NR6A1: variants seen among roughly 807,000 people sequenced by gnomAD.
NR6A1 encodes the protein nuclear receptor subfamily 6 group A member 1, also known as retinoic acid receptor-related testis-associated receptor.
In NR6A1, 7 loss-of-function variants were observed where a neutral mutation model predicts 59.1. The ratio of observed to expected loss-of-function variants is 0.12; its 90% CI spans 0.07 to 0.22. The LOEUF is 0.22. Among genes scored for constraint, NR6A1 ranks in the 10% least tolerant of loss-of-function variants. The pLI is 1.00. For synonymous variants in NR6A1, 243 were observed against 236.1 expected (o/e 1.03, Z -0.27); for missense variants, 468 against 611.6 (o/e 0.77, Z 2.48).
chr9:124,698,033 A>G (rs1047809482), intron 2 of NR6A1, among the ~76,000 whole-genome samples: 2 of 152,216 alleles, frequency 1.3e-5, no homozygotes, highest in Admixed American at 1.3e-4. Context: ...ACTGGCTGAT[A>G]GGAGACAAAA....
At chr9:124,764,089 C>T (rs1840856748) in intron 1 of NR6A1, among the ~76,000 whole-genome samples, 1 of 151,210 alleles carries the variant, frequency 6.6e-6, no homozygotes, top group Non-Finnish European at 1.5e-5. Context: ...GAGGCTGAGG[C>T]AGGAGAATCG....
intron 2 of NR6A1, among the ~76,000 whole-genome samples, chr9:124,731,473 T>G (rs941832323): frequency 1.3e-5 from 2 of 152,108 alleles, no homozygotes; most frequent in Non-Finnish European, 2.9e-5. Flanking sequence ...AAAACACAGC[T>G]GGACCTCGAA....
chr9:124,629,245 G>C (rs1001476725), intron 2 of NR6A1, among the ~76,000 whole-genome samples: 2 of 152,220 alleles, frequency 1.3e-5, no homozygotes, highest in Non-Finnish European at 2.9e-5. Flanking sequence ...AGAATTGTTT[G>C]TTATCAGGCC....
chr9:124,579,973 G>T (rs1316581917), intron 2 of NR6A1, among the ~76,000 whole-genome samples: 1 of 152,176 alleles, frequency 6.6e-6, no homozygotes, highest in Non-Finnish European at 1.5e-5. Flanking sequence ...TTGCACCATT[G>T]CACTCCAGCC....
chr9:124,745,945 G>A (rs547581138), intron 1 of NR6A1, among the ~76,000 whole-genome samples: 69 of 138,534 alleles, frequency 5.0e-4, no homozygotes, highest in Non-Finnish European at 7.9e-4. Context: ...CCAAGATCGC[G>A]CCACTGCACT....
At chr9:124,695,658 C>A (rs546482775) in intron 2 of NR6A1, among the ~76,000 whole-genome samples, 71 of 152,278 alleles carry the variant, frequency 4.7e-4, no homozygotes, top group Non-Finnish European at 8.7e-4. Context: ...GCATGAGTCA[C>A]CGCGCCCGGC....
intron 8 of NR6A1, among the ~76,000 whole-genome samples, chr9:124,525,695 CTCTCTA>C (rs1375558500): frequency 6.7e-6 from 1 of 149,460 alleles, no homozygotes; most frequent in African/African-American, 2.5e-5. Context: ...CTCTCTCTCT[CTCTCTA>C]TATATATATA....
chr9:124,540,027 G>T lies in NR6A1; in HGVS notation c.596+6C>A, dbSNP rs1011628654. On this transcript the variant is annotated splice_donor_region_variant and intron_variant, in intron 5 of 9. Coordinates refer to ENST00000487099, the MANE Select transcript of NR6A1 (RefSeq NM_033334.4). ...ATGATGACCATGGGTTTGCCTTAAA[G>T]CTCACCTGGAAGACAGTGTGGAGCC... The T allele has an allele frequency of 2.5e-6, 4 of 1,580,574 alleles. No homozygotes were observed. The highest frequency in any genetic ancestry group is 3.4e-6 in the Non-Finnish European group (4 of 1,172,302).
Position 124,554,529 on chromosome 9 carries a change from T to C in NR6A1, c.184A>G (p.Ile62Val), listed in dbSNP as rs757741939. The change falls in exon 3 of 10, where the codon ATT (isoleucine) becomes GTT (valine). Residue 62 changes from isoleucine to valine, a missense_variant. By Grantham distance (29) the Ile-to-Val change is conservative. Transcript: ENST00000487099. ...DDRAEQRTCL[I>V]CGDRATGLHY... The stretch of plus-strand genomic sequence containing the variant: ...AAGCCTGTAGCGCGGTCCCCACAAA[T>C]GAGACAGGTTCGTTGTTCAGCCCGA... 9.9e-6 allele frequency: 16 copies of C among 1,614,044 alleles called. No individual in the cohort carries two copies. The highest frequency in any genetic ancestry group is 1.4e-5 in the Non-Finnish European group (16 of 1,180,028).
At chr9:124,705,829 G>A (rs1269342267) in intron 2 of NR6A1, among the ~76,000 whole-genome samples, 3 of 150,764 alleles carry the variant, frequency 2.0e-5, no homozygotes, top group Non-Finnish European at 4.4e-5. Flanking sequence ...AGGCTGGAGT[G>A]CAGTGGTGTG....
At chr9:124,667,985 C>T (rs897067564) in intron 2 of NR6A1, among the ~76,000 whole-genome samples, 4 of 152,092 alleles carry the variant, frequency 2.6e-5, no homozygotes, top group African/African-American at 4.8e-5. Flanking sequence ...TACACTTGAT[C>T]CTTAAACATC....
At chr9:124,768,387 T>C (rs1246043675) in intron 1 of NR6A1, among the ~76,000 whole-genome samples, 2 of 152,240 alleles carry the variant, frequency 1.3e-5, no homozygotes, top group Non-Finnish European at 2.9e-5. Context: ...GTGCCCATTG[T>C]TCCATAGGCA....
Position 124,527,988 on chromosome 9 carries a change from C to T in NR6A1, c.1080-1088G>A, listed in dbSNP as rs138585612. ...GTGGGCAGTGGGTCCCAGAATAGGC[C>T]TTAGATACAGCTCAGTCACAAAGAG... On this transcript the variant is annotated intron_variant, in intron 7 of 9. Transcript: ENST00000487099. Among the ~76,000 whole-genome samples, 113 of 152,288 alleles carry T rather than the reference C, an allele frequency of 7.4e-4. 3 individuals carry two copies. The East Asian group carries it at 0.015, about 21-fold the overall frequency.
chr9:124,691,833 T>A (rs1588791767), intron 2 of NR6A1, among the ~76,000 whole-genome samples: 1 of 152,198 alleles, frequency 6.6e-6, no homozygotes, highest in East Asian at 1.9e-4. Flanking sequence ...TCTTCCCCTA[T>A]GACCTCACCT....
At chr9:124,590,678 G>A (rs2130797409) in intron 2 of NR6A1, among the ~76,000 whole-genome samples, 1 of 152,270 alleles carries the variant, frequency 6.6e-6, no homozygotes, top group Admixed American at 6.5e-5. Context: ...GAACCCAGAA[G>A]GCAGAGAGGT....
At chr9:124,624,584 C>T (rs1194010872) in intron 2 of NR6A1, among the ~76,000 whole-genome samples, 1 of 152,210 alleles carries the variant, frequency 6.6e-6, no homozygotes, top group Non-Finnish European at 1.5e-5. Flanking sequence ...TCCTAGGACA[C>T]ACTGACTACT....
At chr9:124,563,449 T>C (rs1187215334) in intron 2 of NR6A1, among the ~76,000 whole-genome samples, 1 of 152,216 alleles carries the variant, frequency 6.6e-6, no homozygotes, top group East Asian at 1.9e-4. Flanking sequence ...AGTTTTATAA[T>C]TGTGGGTAAA....
chr9:124,612,536 G>A (rs566871668), intron 2 of NR6A1, among the ~76,000 whole-genome samples: 2 of 152,256 alleles, frequency 1.3e-5, no homozygotes, highest in South Asian at 4.2e-4. Flanking sequence ...AGAGTACCAG[G>A]AACATAAGCA....
At chr9:124,748,279 T>C (rs1840391511) in intron 1 of NR6A1, among the ~76,000 whole-genome samples, 1 of 152,190 alleles carries the variant, frequency 6.6e-6, no homozygotes. Flanking sequence ...TTTTCAGCTC[T>C]AAAGTCCATG....
Sources: allele counts gnomAD v4.1 joint callset (sites outside exome capture counted in the v4.1 genomes callset), GRCh38; gene constraint gnomAD v4.1.1; transcripts MANE v1.5; gene names NCBI Gene and HGNC (gene_info 2026-07-23, HGNC 2026-07-21).